LIMCH1: variants seen among roughly 807,000 people sequenced by gnomAD.
LIMCH1 encodes the protein LIM and calponin homology domains 1.
LIMCH1 carries 113 observed loss-of-function variants against 176.5 expected under a neutral mutation model. That is an observed-to-expected ratio of 0.64 (90% CI 0.55 to 0.75). The LOEUF is 0.75. Ranked by LOEUF, LIMCH1 falls within the 30% of genes least tolerant of loss-of-function variation. The probability of loss-of-function intolerance (pLI) is 0.00; values close to 1 mark genes in which losing one functional copy is unlikely to be tolerated. For synonymous variants in LIMCH1, 619 were observed against 645.9 expected, an observed-to-expected ratio of 0.96 and a Z score of 0.63; for missense variants, 1,674 against 1,814.9, an observed-to-expected ratio of 0.92 and a Z score of 1.41.
chr4:41,536,476 T>G (rs1489294934), upstream of LIMCH1, among the ~76,000 whole-genome samples: 1 of 152,234 alleles, frequency 6.6e-6, no homozygotes, highest in Non-Finnish European at 1.5e-5. Context: ...AGTAGTTTGA[T>G]ATCTAATTTT....
chr4:41,697,467 A>C lies in LIMCH1; in HGVS notation c.*282A>C. On this transcript the variant is annotated 3_prime_UTR_variant, in exon 32 of 32. Transcript: ENST00000503057. ...AAAAAAGGTTTTAGCATGGTCAAACAGGCTTATGGTTTAAAATGTGTTATT... is the reference window on the plus strand; with the variant it reads ...AAAAAAGGTTTTAGCATGGTCAAACCGGCTTATGGTTTAAAATGTGTTATT... 1 of 392,118 alleles carries C rather than the reference A, an allele frequency of 2.6e-6. No individual in the cohort carries two copies. Among genetic ancestry groups the C allele is most frequent in the East Asian group, 3.7e-5 (1 of 27,060 alleles). 24.3% of individuals were successfully genotyped at this position (392,118 alleles called of 1,614,324 possible). A position where few individuals can be genotyped will look rare whatever the true frequency, so the allele number is the denominator to read the frequency against.
chr4:41,691,363 A>G (rs528992547), intron 30 of LIMCH1, among the ~76,000 whole-genome samples: 180 of 152,194 alleles, frequency 1.2e-3, no homozygotes, highest in African/African-American at 4.0e-3. Flanking sequence ...AGTATATCCT[A>G]CAGTCTCTTT....
At chr4:41,539,383 G>A (rs1020101962) in intron 1 of LIMCH1, among the ~76,000 whole-genome samples, 1 of 152,148 alleles carries the variant, frequency 6.6e-6, no homozygotes, top group Non-Finnish European at 1.5e-5. Context: ...AAATAAAACC[G>A]AGAGGCTGCA....
chr4:41,563,138 A>G (rs2082276323), intron 1 of LIMCH1, among the ~76,000 whole-genome samples: 1 of 152,160 alleles, frequency 6.6e-6, no homozygotes, highest in Admixed American at 6.5e-5. Context: ...TGGCCTATAT[A>G]GACCTTGGCC....
chr4:41,426,613 TAA>T (rs1223086927), intron 1 of LIMCH1, among the ~76,000 whole-genome samples: 1 of 152,238 alleles, frequency 6.6e-6, no homozygotes, highest in East Asian at 1.9e-4. Context: ...CCTCTGGGTG[TAA>T]AGAGTCCAAT....
intron 30 of LIMCH1, among the ~76,000 whole-genome samples, chr4:41,691,592 CAAAAAAAAA>C (rs796984431): frequency 6.7e-4 from 42 of 62,392 alleles, no homozygotes; most frequent in African/African-American, 1.9e-3. Flanking sequence ...ACTAAAAATA[CAAAAAAAAA>C]AAAAAAAAAA....
chr4:41,536,709 C>T (rs979753188), upstream of LIMCH1, among the ~76,000 whole-genome samples: 3 of 152,128 alleles, frequency 2.0e-5, no homozygotes, highest in Admixed American at 6.5e-5. Flanking sequence ...AAATACCCGA[C>T]CAGTATTCTT....
chr4:41,575,590 A>T (rs1401869574), intron 1 of LIMCH1, among the ~76,000 whole-genome samples: 1 of 152,248 alleles, frequency 6.6e-6, no homozygotes, highest in Non-Finnish European at 1.5e-5. Context: ...AGCTCATATC[A>T]GGCGCATCTT....
chr4:41,670,259 G>A (rs3762910), intron 21 of LIMCH1, among the ~76,000 whole-genome samples: 84,956 of 151,958 alleles, frequency 0.56, 24,918 homozygotes, highest in African/African-American at 0.7. Flanking sequence ...TTATTTATAC[G>A]TACAAAAAAC....
At chr4:41,364,227 T>C (rs564182627) in intron 1 of LIMCH1, among the ~76,000 whole-genome samples, 242 of 152,314 alleles carry the variant, frequency 1.6e-3, no homozygotes, top group African/African-American at 5.6e-3. Flanking sequence ...TCAATTAATA[T>C]ATTTAAAATG....
chr4:41,698,424 G>T lies in LIMCH1; in HGVS notation c.*1239G>T, dbSNP rs188685366. The T allele has an allele frequency of 9.2e-5, 14 of 152,110 alleles. No individual in the cohort carries two copies. The highest frequency in any genetic ancestry group is 3.4e-4 in the African/African-American group (14 of 41,416). 9.4% of individuals were successfully genotyped at this position (152,110 alleles called of 1,614,324 possible). ...AGCTGGTTTATTTTCTGCCCTGTGCGACGAGTTTCAGCTGGCCAAGAAAGG... is the reference window on the plus strand; with the variant it reads ...AGCTGGTTTATTTTCTGCCCTGTGCTACGAGTTTCAGCTGGCCAAGAAAGG... On this transcript the variant is annotated 3_prime_UTR_variant, in exon 32 of 32. Transcript: ENST00000503057.
At chr4:41,614,397 T>C (rs940823540) in intron 5 of LIMCH1, among the ~76,000 whole-genome samples, 3 of 152,242 alleles carry the variant, frequency 2.0e-5, no homozygotes, top group Non-Finnish European at 2.9e-5. Context: ...CTTTGTACTT[T>C]TAGAAGGAAA....
At chr4:41,367,359 A>G (rs1581078430) in intron 1 of LIMCH1, among the ~76,000 whole-genome samples, 1 of 152,194 alleles carries the variant, frequency 6.6e-6, no homozygotes, top group African/African-American at 2.4e-5. Context: ...TAAGAATAAA[A>G]TATTGGTTAG....
chr4:41,571,555 C>T (rs2083562602), intron 1 of LIMCH1, among the ~76,000 whole-genome samples: 1 of 152,008 alleles, frequency 6.6e-6, no homozygotes, highest in Non-Finnish European at 1.5e-5. Context: ...AAAATTATGG[C>T]CTCAGTGAGG....
At position 41,661,410 on chromosome 4, in the gene LIMCH1, T is replaced by C. The variant is rs1343860345; in HGVS notation, c.3037-10T>C. 4 of 1,581,534 alleles carry C rather than the reference T, an allele frequency of 2.5e-6. No homozygotes were observed. Among genetic ancestry groups the C allele is most frequent in the Non-Finnish European group, 2.6e-6 (3 of 1,158,980 alleles). ...CATTTATTCAAGGGGGAAAAAAATCTCTTTTTCAGGCAACCACTGAGAAAA... is the reference window on the plus strand; with the variant it reads ...CATTTATTCAAGGGGGAAAAAAATCCCTTTTTCAGGCAACCACTGAGAAAA... On this transcript the variant is annotated splice_polypyrimidine_tract_variant and intron_variant, in intron 18 of 31. Coordinates refer to ENST00000503057, the MANE Select transcript of LIMCH1 (RefSeq NM_001330672.2).
intron 21 of LIMCH1, chr4:41,670,857 T>C: frequency 6.6e-7 from 1 of 1,521,952 alleles, no homozygotes; most frequent in Non-Finnish European, 8.8e-7. Flanking sequence ...CGATCAATGA[T>C]GTGTGGCACT....
At chr4:41,627,579 C>T (rs1304304773) in intron 8 of LIMCH1, among the ~76,000 whole-genome samples, 1 of 152,192 alleles carries the variant, frequency 6.6e-6, no homozygotes, top group Non-Finnish European at 1.5e-5. Context: ...ACTTATACTT[C>T]TATATGTTCT....
chr4:41,663,028 C>T (rs774626776), intron 20 of LIMCH1, 44 bp downstream of exon 20: 2 of 1,569,524 alleles, frequency 1.3e-6, no homozygotes, highest in Admixed American at 3.5e-5. Flanking sequence ...CACAAGTTAA[C>T]ATGGCCCCAT....
intron 4 of LIMCH1, chr4:41,613,170 T>G: frequency 7.8e-7 from 1 of 1,290,176 alleles, no homozygotes; most frequent in Non-Finnish European, 1.1e-6. Flanking sequence ...TTTGTGATCC[T>G]TTCTTCTAAT....
Sources: gnomAD v4.1 joint callset for allele counts (sites outside exome capture counted in the v4.1 genomes callset) on GRCh38, gnomAD v4.1.1 for gene constraint, MANE v1.5 for transcripts, NCBI Gene and HGNC (gene_info 2026-07-23, HGNC 2026-07-21) for gene names.